Variants in ADGRV1 observed in about 807,000 individuals in gnomAD.
ADGRV1 encodes the protein adhesion G protein-coupled receptor V1, also known as G-protein coupled receptor 98.
A neutral mutation model predicts 596.2 loss-of-function variants in ADGRV1; 359 were observed. That is an observed-to-expected ratio of 0.60 (90% confidence interval 0.55 to 0.66). ADGRV1 has a LOEUF of 0.66. ADGRV1 is among the 30% of genes least tolerant of loss of function. The pLI, the probability that ADGRV1 is intolerant of heterozygous loss-of-function variation, is 0.00. For synonymous variants in ADGRV1, 2,681 were observed against 2,679.2 expected, an observed-to-expected ratio of 1.00 and a Z score of -0.02; for missense variants, 7,274 against 7,575.6, an observed-to-expected ratio of 0.96 and a Z score of 1.48.
chr5:90,774,456 T>C (rs904553988), intron 60 of ADGRV1, among the ~76,000 whole-genome samples, 153 bp downstream of exon 60: 11 of 152,218 alleles, frequency 7.2e-5, no homozygotes, highest in African/African-American at 2.7e-4. Context: ...AGGTTAAGAA[T>C]TTTTTAAATT....
chr5:90,970,092 CG>C (rs1778823178), intron 84 of ADGRV1, among the ~76,000 whole-genome samples: 1 of 152,206 alleles, frequency 6.6e-6, no homozygotes, highest in Admixed American at 6.5e-5. Flanking sequence ...GTGCCTGGCT[CG>C]GAGGGTCCCA....
intron 83 of ADGRV1, among the ~76,000 whole-genome samples, chr5:90,954,435 A>G (rs933961882): frequency 3.9e-5 from 6 of 152,160 alleles, no homozygotes; most frequent in African/African-American, 9.7e-5. Context: ...ATGCCATACT[A>G]TCAAACCAAG....
intron 85 of ADGRV1, among the ~76,000 whole-genome samples, chr5:90,989,898 C>A (rs1780824310): frequency 6.6e-6 from 1 of 152,158 alleles, no homozygotes; most frequent in African/African-American, 2.4e-5. Flanking sequence ...CTCACTGCAA[C>A]CTCCGCCTCC....
chr5:91,065,985 C>T (rs1186058138), intron 85 of ADGRV1, among the ~76,000 whole-genome samples: 1 of 152,194 alleles, frequency 6.6e-6, no homozygotes, highest in Middle Eastern at 3.4e-3. Context: ...TTGTAAGACC[C>T]CAAAAGACTA....
intron 59 of ADGRV1, among the ~76,000 whole-genome samples, chr5:90,770,443 C>T (rs906618125): frequency 6.6e-6 from 1 of 152,124 alleles, no homozygotes; most frequent in Non-Finnish European, 1.5e-5. Flanking sequence ...TATTTAGGTT[C>T]ATGGCGTGGA....
chr5:90,678,036 CT>C (rs1194564785), intron 25 of ADGRV1, among the ~76,000 whole-genome samples: 1 of 152,150 alleles, frequency 6.6e-6, no homozygotes, highest in Non-Finnish European at 1.5e-5. Flanking sequence ...TGTTGAACTT[CT>C]TTTTTATGAC....
chr5:90,730,080 A>G (rs964539023), intron 50 of ADGRV1, among the ~76,000 whole-genome samples: 1 of 152,084 alleles, frequency 6.6e-6, no homozygotes, highest in Non-Finnish European at 1.5e-5. Flanking sequence ...GTTAGCCAGG[A>G]TGGTCTTGAT....
chr5:91,076,626 A>C (rs1055972618), intron 86 of ADGRV1, among the ~76,000 whole-genome samples: 2 of 152,130 alleles, frequency 1.3e-5, no homozygotes, highest in Non-Finnish European at 2.9e-5. Context: ...TAAATGACTT[A>C]ATTCTCTGAT....
chr5:90,826,057 A>G (rs1187682691), intron 76 of ADGRV1, among the ~76,000 whole-genome samples: 2 of 152,196 alleles, frequency 1.3e-5, no homozygotes, highest in Non-Finnish European at 2.9e-5. Context: ...AAGAGAGAAG[A>G]TGGAAGATGA....
chr5:90,628,847 A>G lies in ADGRV1; in HGVS notation c.1509+15A>G, dbSNP rs1765137740. 6.8e-6 allele frequency: 11 copies of G among 1,606,826 alleles called. No individual in the cohort carries two copies. Among genetic ancestry groups the G allele is most frequent in the Non-Finnish European group, 9.4e-6 (11 of 1,175,228 alleles). The stretch of plus-strand genomic sequence containing the variant: ...AGCCAGCGGAGGTATAACCCTTGTT[A>G]TGCTTTATGCTTGTTAATATTTCTG... On this transcript the variant is annotated intron_variant, in intron 8 of 89. Coordinates refer to ENST00000405460, the MANE Select transcript of ADGRV1 (RefSeq NM_032119.4).
intron 11 of ADGRV1, among the ~76,000 whole-genome samples, chr5:90,641,847 T>C (rs930235565): frequency 3.9e-5 from 6 of 152,194 alleles, no homozygotes; most frequent in Non-Finnish European, 8.8e-5. Context: ...TCTCAGAACA[T>C]TGCAGTCCAA....
intron 59 of ADGRV1, among the ~76,000 whole-genome samples, chr5:90,770,748 G>A (rs1757606095): frequency 1.3e-5 from 2 of 152,152 alleles, no homozygotes; most frequent in South Asian, 4.1e-4. Context: ...ACAGAAGGAT[G>A]TAGAAAAATG....
At chr5:91,153,104 C>A in intron 88 of ADGRV1, 117 bp from the exon 89 acceptor site, 1 of 736,146 alleles carries the variant, frequency 1.4e-6, no homozygotes, top group Non-Finnish European at 2.2e-6. Context: ...AATGCCACTG[C>A]CGTTTAGCAA....
chr5:90,974,681 C>T (rs2151006330), intron 84 of ADGRV1, among the ~76,000 whole-genome samples: 1 of 152,240 alleles, frequency 6.6e-6, no homozygotes, highest in East Asian at 1.9e-4. Flanking sequence ...CTTCCTTACA[C>T]CTTATACAAA....
At chr5:90,662,822 T>G (rs1398753290) in intron 21 of ADGRV1, among the ~76,000 whole-genome samples, 1 of 151,994 alleles carries the variant, frequency 6.6e-6, no homozygotes, top group Non-Finnish European at 1.5e-5. Flanking sequence ...CCATATGATC[T>G]CATTGTTCAG....
At chr5:91,102,465 T>A in intron 87 of ADGRV1, 125 bp downstream of exon 87, 1 of 715,210 alleles carries the variant, frequency 1.4e-6, no homozygotes, top group Non-Finnish European at 2.1e-6. Context: ...TAACATCATA[T>A]AGAGTTGTAA....
chr5:90,892,578 T>C (rs1211804888), intron 83 of ADGRV1, among the ~76,000 whole-genome samples: 1 of 152,110 alleles, frequency 6.6e-6, no homozygotes, highest in African/African-American at 2.4e-5. Flanking sequence ...TATGTATATA[T>C]ACATACCATT....
rs550465273 is a variant in ADGRV1, at chr5:91,120,698, C to T, written c.18432+18358C>T. ...AGAGAGGAGGGAGAGTCTGGACATT[C>T]GGGGCCTGTTCTAGACTAGTACAAA... On this transcript the variant is annotated intron_variant, in intron 87 of 89. Transcript: ENST00000405460. Among the ~76,000 whole-genome samples the T allele has an allele frequency of 6.6e-5, 10 of 152,194 alleles. No homozygotes were observed. In the East Asian group the frequency reaches 1.4e-3, roughly 21 times the overall value.
chr5:91,052,099 CCTTTTCTTTTT>C (rs1786389979), intron 85 of ADGRV1, among the ~76,000 whole-genome samples: 2 of 151,942 alleles, frequency 1.3e-5, no homozygotes, highest in South Asian at 4.1e-4. Context: ...AAATTAATCT[CCTTTTCTTTTT>C]CTTTTCAATA....
Sources: gnomAD v4.1 joint callset for allele counts (sites outside exome capture counted in the v4.1 genomes callset) on GRCh38, gnomAD v4.1.1 for gene constraint, MANE v1.5 for transcripts, NCBI Gene and HGNC (gene_info 2026-07-23, HGNC 2026-07-21) for gene names.